FOXK2: variants seen among roughly 807,000 people sequenced by gnomAD.
FOXK2 encodes forkhead box protein K2.
Under a neutral mutation model 53.3 loss-of-function variants are expected in FOXK2, and 24 were observed. That is an observed-to-expected ratio of 0.45 (90% confidence interval 0.33 to 0.63). The LOEUF (loss-of-function observed/expected upper bound fraction) is 0.63. Among genes scored for constraint, FOXK2 ranks in the 30% least tolerant of loss-of-function variants. FOXK2 has a pLI of 0.03. For synonymous variants in FOXK2, 505 were observed against 407.1 expected (o/e 1.24, Z -2.89); for missense variants, 952 against 910.5 (o/e 1.05, Z -0.59).
At chr17:82,556,436 T>TC (rs1348024506) in intron 1 of FOXK2, among the ~76,000 whole-genome samples, 1 of 146,318 alleles carries the variant, frequency 6.8e-6, no homozygotes, top group Non-Finnish European at 1.5e-5. Flanking sequence ...AGAGTGAGAC[T>TC]CCGTCTAAAA....
In FOXK2 at chr17:82,555,903, AAAAAAAAAAAAAAG is replaced by A; in HGVS notation, c.420-7447_420-7434del. ...TCTATCACAAAAAAAAAAAAAAAAA[AAAAAAAAAAAAAAG>A]AAATAGGTCATGGTCAGCACAAAAG... On this transcript the variant is annotated intron_variant, in intron 1 of 8. Coordinates refer to ENST00000335255, the MANE Select transcript of FOXK2 (RefSeq NM_004514.4). 1.4e-5 allele frequency among the ~76,000 whole-genome samples: 2 copies of A among 144,388 alleles called. 1 individual carries two copies. The highest frequency in any genetic ancestry group is 4.6e-4 in the South Asian group (2 of 4,376). 94.7% of individuals were successfully genotyped at this position (144,388 alleles called of 152,430 possible).
chr17:82,580,496 C>T (rs1439819536), intron 4 of FOXK2, among the ~76,000 whole-genome samples: 42 of 28,636 alleles, frequency 1.5e-3, no homozygotes, highest in Admixed American at 2.5e-3. Flanking sequence ...ACACATGGCC[C>T]AGCCCTCCTC....
rs1307414595 is a variant in FOXK2, at chr17:82,571,833, A to G, written c.872A>G (p.Asn291Ser). The change falls in exon 4 of 9, where the codon AAT (asparagine) becomes AGT (serine). Residue 291 changes from asparagine (N) to serine (S), a missense_variant. Asn to Ser is a conservative substitution (Grantham distance 46). Transcript: ENST00000335255. ...GGGATTTATACACACATCACTAAAA[A>G]TTATCCCTACTACAGGACTGCGGAC... ...LNGIYTHITK[N>S]YPYYRTADKG... The G allele has an allele frequency of 5.0e-6, 8 of 1,599,426 alleles. No individual in the cohort carries two copies. The highest frequency in any genetic ancestry group is 1.8e-5 in the Admixed American group (1 of 56,686).
intron 1 of FOXK2, among the ~76,000 whole-genome samples, chr17:82,558,120 C>T (rs973927324): frequency 1.3e-5 from 2 of 152,070 alleles, no homozygotes; most frequent in Non-Finnish European, 2.9e-5. Flanking sequence ...ATCACTTGAG[C>T]CCAGGAGTTT....
chr17:82,556,682 C>T (rs1167316603), intron 1 of FOXK2, among the ~76,000 whole-genome samples: 1 of 151,974 alleles, frequency 6.6e-6, no homozygotes, highest in Non-Finnish European at 1.5e-5. Context: ...CAGCACCTTC[C>T]TGCCTCTTTT....
chr17:82,551,397 C>T (rs1466297302), intron 1 of FOXK2, among the ~76,000 whole-genome samples: 2 of 151,802 alleles, frequency 1.3e-5, no homozygotes, highest in African/African-American at 2.4e-5. Flanking sequence ...TAAAGCTGGC[C>T]AGGCACGGTG....
chr17:82,567,926 CTTTTTT>C (rs3065019), intron 2 of FOXK2, 122 bp from the exon 3 acceptor site: 109,923 of 420,722 alleles, frequency 0.26, 6,481 homozygotes, highest in African/African-American at 0.31. Flanking sequence ...TATTCTCTTC[CTTTTTT>C]TTTTTTTTTT....
intron 1 of FOXK2, among the ~76,000 whole-genome samples, chr17:82,536,041 A>T (rs1045986798): frequency 2.1e-4 from 31 of 150,678 alleles, no homozygotes; most frequent in African/African-American, 7.1e-4. Context: ...CGTGCCTGGC[A>T]TTTTTTTTGT....
intron 1 of FOXK2, among the ~76,000 whole-genome samples, chr17:82,536,736 A>G (rs2144063100): frequency 6.6e-6 from 1 of 152,334 alleles, no homozygotes; most frequent in African/African-American, 2.4e-5. Context: ...GCATGTGTGT[A>G]GCTTTCTGAA....
In FOXK2 at chr17:82,601,382, C is replaced by G; in HGVS notation, c.1866C>G (p.Asp622Glu). 6.2e-7 allele frequency: 1 copy of G among 1,613,418 alleles called. No individual in the cohort carries two copies. The highest frequency in any genetic ancestry group is 8.5e-7 in the Non-Finnish European group (1 of 1,180,040). Residue 622 changes from aspartate to glutamate, a missense_variant, in exon 9 of 9, where the codon GAC (aspartate) becomes GAG (glutamate). Coordinates refer to ENST00000335255, the MANE Select transcript of FOXK2 (RefSeq NM_004514.4). ...TGCCCACAAAGCGCCACAACGGTGA[C>G]CAGCCGGAGCAGCCGGAGCTGAAGC... Reference protein sequence around the residue: ...ASLPTKRHNGDQPEQPELKRI... With the variant: ...ASLPTKRHNGEQPEQPELKRI...
At chr17:82,526,437 T>C (rs1051442903) in intron 1 of FOXK2, among the ~76,000 whole-genome samples, 1 of 151,716 alleles carries the variant, frequency 6.6e-6, no homozygotes, top group Non-Finnish European at 1.5e-5. Flanking sequence ...AAGGAGTGCA[T>C]GTAAAGTGGG....
At chr17:82,574,805 A>G (rs2044964446) in intron 4 of FOXK2, among the ~76,000 whole-genome samples, 1 of 152,174 alleles carries the variant, frequency 6.6e-6, no homozygotes, top group African/African-American at 2.4e-5. Flanking sequence ...TACCTATGGT[A>G]TAGCTTTTTG....
intron 1 of FOXK2, among the ~76,000 whole-genome samples, chr17:82,550,727 G>A (rs2044668905): frequency 6.6e-6 from 1 of 151,796 alleles, no homozygotes; most frequent in African/African-American, 2.4e-5. Flanking sequence ...GGATGGTCTC[G>A]ATCTTCTGAC....
intron 1 of FOXK2, among the ~76,000 whole-genome samples, chr17:82,530,367 C>G (rs555992950): frequency 1.3e-3 from 183 of 144,782 alleles, no homozygotes; most frequent in African/African-American, 4.5e-3. Flanking sequence ...GCGCATGCCT[C>G]TAATACCAGC....
chr17:82,595,209 G>A (rs4789805), intron 8 of FOXK2, among the ~76,000 whole-genome samples: 103,706 of 152,136 alleles, frequency 0.68, 35,713 homozygotes, highest in Middle Eastern at 0.77. Flanking sequence ...GTACAGCTCT[G>A]TAAACAGATT....
intron 1 of FOXK2, among the ~76,000 whole-genome samples, chr17:82,541,409 A>T (rs1174800259): frequency 2.0e-5 from 3 of 151,074 alleles, no homozygotes; most frequent in Non-Finnish European, 2.9e-5. Context: ...AGTAGCTGGG[A>T]TTACAGGCGC....
intron 1 of FOXK2, among the ~76,000 whole-genome samples, chr17:82,561,343 T>A (rs1267629067): frequency 6.6e-6 from 1 of 151,520 alleles, no homozygotes; most frequent in Non-Finnish European, 1.5e-5. Context: ...GAGCTGGAAG[T>A]GGGGATTTTG....
At chr17:82,576,942 C>T (rs1250357265) in intron 4 of FOXK2, 2 of 398,284 alleles carry the variant, frequency 5.0e-6, no homozygotes, top group East Asian at 5.3e-5. Context: ...GGCAGATCAC[C>T]TGTGGTTGGA....
rs565805237 is a variant in FOXK2 at position 82,603,774 on chromosome 17, A to C, written c.*2275A>C. ...CATTCTGCATCTTGAACCCAGACTG[A>C]AGTGTGCCTCTCACAGATGGAAGGT... is the stretch of plus-strand genomic sequence containing the variant. On this transcript the variant is annotated 3_prime_UTR_variant, in exon 9 of 9. Coordinates refer to ENST00000335255, the MANE Select transcript of FOXK2 (RefSeq NM_004514.4). The C allele has an allele frequency of 6.7e-6, 1 of 149,456 alleles. No individual in the cohort carries two copies. The highest frequency in any genetic ancestry group is 2.5e-5 in the African/African-American group (1 of 40,484). The allele number at this position is 149,456 out of a possible 1,614,324, so 9.3% of individuals were successfully genotyped here. A position where few individuals can be genotyped will look rare whatever the true frequency, so the allele number is the denominator to read the frequency against.
Sources: gnomAD v4.1 joint callset for allele counts (sites outside exome capture counted in the v4.1 genomes callset) on GRCh38, gnomAD v4.1.1 for gene constraint, MANE v1.5 for transcripts, NCBI Gene and HGNC (gene_info 2026-07-23, HGNC 2026-07-21) for gene names.